The following XXYLT1 variants were observed in gnomAD, a reference collection of about 807,000 sequenced individuals.
The protein encoded by XXYLT1 is xyloside xylosyltransferase 1.
A neutral mutation model predicts 28.9 loss-of-function variants in XXYLT1; 20 were observed. That is an observed-to-expected ratio of 0.69 (90% CI 0.49 to 1.00). XXYLT1 has a LOEUF of 1.00. Among genes scored for constraint, XXYLT1 ranks in the 50% least tolerant of loss-of-function variants. The pLI, the probability that XXYLT1 is intolerant of heterozygous loss-of-function variation, is 0.00. For missense variants in XXYLT1, 542 were observed against 560.1 expected (o/e 0.97, Z 0.33); for synonymous variants, 257 against 253.8 (o/e 1.01, Z -0.12).
At chr3:195,085,120 C>T (rs1015824880) in intron 3 of XXYLT1, among the ~76,000 whole-genome samples, 3 of 152,230 alleles carry the variant, frequency 2.0e-5, no homozygotes, top group Non-Finnish European at 2.9e-5. Context: ...AAATCCTCTC[C>T]TTGCACGAGG....
At chr3:195,186,539 G>C (rs75791940) in intron 2 of XXYLT1, among the ~76,000 whole-genome samples, 8,325 of 152,072 alleles carry the variant, frequency 0.055, 321 homozygotes, top group Middle Eastern at 0.14. Context: ...TTCTTCCTCC[G>C]TGTCTTGGCC....
chr3:195,164,011 G>A (rs1720994787), intron 2 of XXYLT1, among the ~76,000 whole-genome samples: 1 of 152,274 alleles, frequency 6.6e-6, no homozygotes, highest in Non-Finnish European at 1.5e-5. Context: ...TTAGTCATGT[G>A]ACGACACTTA....
chr3:195,148,038 C>G (rs1043229010), intron 3 of XXYLT1: 1 of 152,260 alleles, frequency 6.6e-6, no homozygotes, highest in South Asian at 2.1e-4. Context: ...CAGCAGCCCC[C>G]GCTATGCGCC....
At chr3:195,251,630 G>A (rs1233091002) in intron 1 of XXYLT1, among the ~76,000 whole-genome samples, 2 of 152,304 alleles carry the variant, frequency 1.3e-5, no homozygotes, top group East Asian at 3.9e-4. Context: ...CAGCCAGGAA[G>A]TCTGAGGTGG....
intron 3 of XXYLT1, among the ~76,000 whole-genome samples, chr3:195,103,399 T>G (rs1276273959): frequency 1.3e-5 from 2 of 150,482 alleles, no homozygotes; most frequent in East Asian, 3.9e-4. Context: ...GCCAGCGGCC[T>G]GCGTCCATCA....
At position 195,156,567 on chromosome 3, in the gene XXYLT1, T is replaced by C. The variant is rs201242402; in HGVS notation, c.667A>G (p.Ile223Val). 2.5e-6 allele frequency: 4 copies of C among 1,614,206 alleles called. No homozygotes were observed. The highest frequency in any genetic ancestry group is 3.3e-5 in the Admixed American group (2 of 60,032). The change falls in exon 3 of 4, where the codon ATT becomes GTT. Residue 223 changes from isoleucine to valine, a missense_variant. Transcript: ENST00000310380. ...QIMPKEILQI[I>V]QLDLDLKFKT... ...AACTTCAGGTCTAGGTCCAGCTGAA[T>C]GATCTGCAGGATCTCTGCGGGAAAG...
At chr3:195,181,261 A>G (rs532711413) in intron 2 of XXYLT1, among the ~76,000 whole-genome samples, 2,040 of 119,914 alleles carry the variant, frequency 0.017, 52 homozygotes, top group African/African-American at 0.076. Flanking sequence ...CTGGCTGTGT[A>G]TCTGCGTGGC....
chr3:195,202,003 C>T (rs572816050), intron 2 of XXYLT1, among the ~76,000 whole-genome samples: 1 of 152,236 alleles, frequency 6.6e-6, no homozygotes, highest in South Asian at 2.1e-4. Context: ...ATGGAGAAAC[C>T]CCGTCTCTAC....
chr3:195,117,411 G>T (rs1718104534), intron 3 of XXYLT1, among the ~76,000 whole-genome samples: 1 of 152,180 alleles, frequency 6.6e-6, no homozygotes, highest in African/African-American at 2.4e-5. Context: ...TTTCTATGAA[G>T]TACTGATGAG....
intron 3 of XXYLT1, among the ~76,000 whole-genome samples, chr3:195,125,213 G>A (rs536336318): frequency 3.9e-5 from 6 of 152,382 alleles, no homozygotes; most frequent in African/African-American, 7.2e-5. Flanking sequence ...AAGAGCAGGG[G>A]AGGGGACCCG....
intron 3 of XXYLT1, among the ~76,000 whole-genome samples, chr3:195,156,015 G>C (rs1720570402): frequency 6.6e-6 from 1 of 152,214 alleles, no homozygotes. Flanking sequence ...ATGCCAGTCT[G>C]TGTTCTGACG....
intron 2 of XXYLT1, among the ~76,000 whole-genome samples, chr3:195,197,441 T>TA (rs59076636): frequency 0.047 from 4,962 of 106,102 alleles, 264 homozygotes; most frequent in African/African-American, 0.14. Context: ...AGTCTCAATT[T>TA]AAAAAAAAAA....
At chr3:195,098,450 G>A (rs778207265) in intron 3 of XXYLT1, among the ~76,000 whole-genome samples, 26 of 152,230 alleles carry the variant, frequency 1.7e-4, no homozygotes, top group Non-Finnish European at 1.5e-4. Context: ...CTACTTGGGA[G>A]GCTGAGGCAG....
chr3:195,190,444 G>A (rs11915571), intron 2 of XXYLT1, among the ~76,000 whole-genome samples: 16,968 of 143,046 alleles, frequency 0.12, 3,353 homozygotes, highest in African/African-American at 0.41. Context: ...GCAGTGAGCC[G>A]AGTTATGCTG....
At chr3:195,088,260 A>G (rs1211144496) in intron 3 of XXYLT1, among the ~76,000 whole-genome samples, 3 of 151,050 alleles carry the variant, frequency 2.0e-5, no homozygotes, top group Non-Finnish European at 4.4e-5. Flanking sequence ...AGACAGCAGT[A>G]ACCTCTGCAG....
chr3:195,199,840 C>CA (rs1283555690), intron 2 of XXYLT1, among the ~76,000 whole-genome samples: 9 of 152,062 alleles, frequency 5.9e-5, no homozygotes, highest in Admixed American at 1.3e-4. Flanking sequence ...AAAATGAGAG[C>CA]ATTAGACTTA....
At chr3:195,197,695 T>A (rs779907987) in intron 2 of XXYLT1, among the ~76,000 whole-genome samples, 1 of 152,174 alleles carries the variant, frequency 6.6e-6, no homozygotes, top group Non-Finnish European at 1.5e-5. Context: ...CCGCTCAGGA[T>A]CACAATTCTC....
chr3:195,116,160 G>C (rs973351351), intron 3 of XXYLT1, among the ~76,000 whole-genome samples: 3 of 152,150 alleles, frequency 2.0e-5, no homozygotes, highest in African/African-American at 7.2e-5. Flanking sequence ...GATCTCAAGA[G>C]CAAGAGAAAG....
rs115568849 is a variant in XXYLT1, at chr3:195,235,971, T to G, written c.505-9115A>C. Among the ~76,000 whole-genome samples the G allele has an allele frequency of 7.4e-3, 1,131 of 152,152 alleles. 9 individuals carry two copies. The highest frequency in any genetic ancestry group is 0.011 in the Non-Finnish European group (779 of 67,996). ...ATAGACATAGAGATATACACCTGGC[T>G]GGGCTGCCTGGAGATTGGGGAGGGG... On this transcript the variant is annotated intron_variant, in intron 1 of 3. Transcript: ENST00000310380.
Sources: allele counts gnomAD v4.1 joint callset (sites outside exome capture counted in the v4.1 genomes callset), GRCh38; gene constraint gnomAD v4.1.1; transcripts MANE v1.5; gene names NCBI Gene and HGNC (gene_info 2026-07-23, HGNC 2026-07-21).